HMCN2: variants seen among roughly 807,000 people sequenced by gnomAD.
HMCN2 encodes hemicentin-2.
In HMCN2, 325 loss-of-function variants were observed where a neutral mutation model predicts 377.5. The ratio of observed to expected loss-of-function variants is 0.86; its 90% CI spans 0.79 to 0.94. The LOEUF (loss-of-function observed/expected upper bound fraction) is 0.94, where lower values mean the gene tolerates loss of function less well. Ranked by LOEUF, HMCN2 falls within the 40% of genes least tolerant of loss-of-function variation. HMCN2 has a pLI of 0.00. For missense variants in HMCN2, 4,543 were observed against 4,725.3 expected (o/e 0.96, Z 1.13); for synonymous variants, 2,007 against 2,046.8 (o/e 0.98, Z 0.53).
chr9:130,295,064 C>G (rs1282538875), intron 5 of HMCN2, 38 bp downstream of exon 5: 1 of 408,726 alleles, frequency 2.4e-6, no homozygotes, highest in Non-Finnish European at 5.1e-6. Context: ...TCTTTGGCCC[C>G]AAGACTGAGG....
At position 130,305,852 on chromosome 9, in the gene HMCN2, C is replaced by T. The variant is rs767800830; in HGVS notation, c.1817-277C>T. On this transcript the variant is annotated intron_variant, in intron 11 of 97. Coordinates refer to ENST00000683500, the MANE Select transcript of HMCN2 (RefSeq NM_001291815.2). The stretch of plus-strand genomic sequence containing the variant: ...GACATCTCCCTAAGGCTCCCTAGAG[C>T]GCTCAGCCTGGAGTGGACGTTCTAG... Among the ~76,000 whole-genome samples the T allele has an allele frequency of 4.6e-5, 7 of 152,302 alleles. No homozygotes were observed. In the South Asian group the frequency reaches 6.2e-4, roughly 14 times the overall value.
chr9:130,380,415 G>A (rs1485440506), intron 54 of HMCN2, among the ~76,000 whole-genome samples: 3 of 152,088 alleles, frequency 2.0e-5, no homozygotes, highest in Non-Finnish European at 1.5e-5. Context: ...CAATGGGGCT[G>A]GTTTTGGGGA....
chr9:130,282,509 G>A (rs1051856729), intron 1 of HMCN2, among the ~76,000 whole-genome samples: 14 of 152,316 alleles, frequency 9.2e-5, no homozygotes, highest in African/African-American at 3.4e-4. Flanking sequence ...TCATTACTGT[G>A]TAGTTCAGAG....
chr9:130,317,691 G>C (rs1244876625), intron 15 of HMCN2, among the ~76,000 whole-genome samples: 1 of 148,376 alleles, frequency 6.7e-6, no homozygotes, highest in Non-Finnish European at 1.5e-5. Flanking sequence ...GTAGAGACGG[G>C]GTTTCCCCAT....
At chr9:130,406,251 C>T (rs541676123) in intron 82 of HMCN2, 83 bp downstream of exon 82, 32 of 1,157,588 alleles carry the variant, frequency 2.8e-5, no homozygotes, top group Middle Eastern at 2.3e-4. Flanking sequence ...GAGACCCAAC[C>T]TAGTGGAAAG....
At chr9:130,299,373 A>G in intron 8 of HMCN2, 85 bp downstream of exon 8, 1 of 368,196 alleles carries the variant, frequency 2.7e-6, no homozygotes, top group South Asian at 2.1e-5. Flanking sequence ...ACTGGATTAG[A>G]TTAAATTAGA....
Position 130,428,289 on chromosome 9 carries a change from C to T in HMCN2, c.14066-69C>T. 1.4e-6 allele frequency: 2 copies of T among 1,460,066 alleles called. No homozygotes were observed. The highest frequency in any genetic ancestry group is 1.8e-6 in the Non-Finnish European group (2 of 1,099,876). The allele number at this position is 1,460,066 out of a possible 1,614,324, so 90.4% of individuals were successfully genotyped here. ...ACGAAGCCTCTGTGGATAGGCCGGG[C>T]CAGGGTCAGGTGGCGAGGCACGCCT... is the stretch of plus-strand genomic sequence containing the variant. On this transcript the variant is annotated intron_variant, in intron 92 of 97. Coordinates refer to ENST00000683500, the MANE Select transcript of HMCN2 (RefSeq NM_001291815.2). The surrounding 1 kb of genome is among the most constrained non-coding windows in gnomAD (Gnocchi z 5.0).
In HMCN2 at chr9:130,414,640, C is replaced by T. The variant is rs1244443109; in HGVS notation, c.12961+3988C>T. Among the ~76,000 whole-genome samples the T allele has an allele frequency of 1.4e-5, 2 of 147,812 alleles. No homozygotes were observed. Among genetic ancestry groups the T allele is most frequent in the Non-Finnish European group, 3.0e-5 (2 of 67,318 alleles). On this transcript the variant is annotated intron_variant, in intron 85 of 97. Transcript: ENST00000683500. This position sits in a 1 kb window ranked among gnomAD's most constrained non-coding sequence, Gnocchi z 4.4. ...TTTTTTTTTTTTTTTAAGACAAGGT[C>T]TGACTCTGTTGCCCAGGCTGGAGTG...
intron 4 of HMCN2, among the ~76,000 whole-genome samples, chr9:130,292,486 T>G (rs1835836526): frequency 6.6e-6 from 1 of 152,230 alleles, no homozygotes; most frequent in Non-Finnish European, 1.5e-5. Flanking sequence ...TAATTTGGTT[T>G]CTCTGAAGTA....
chr9:130,366,933 C>CG (rs36016097), intron 43 of HMCN2, among the ~76,000 whole-genome samples: 51,226 of 151,944 alleles, frequency 0.34, 9,615 homozygotes, highest in Non-Finnish European at 0.41. Context: ...AGCTAGGAAG[C>CG]GGGAAAGATG....
At chr9:130,362,226 A>G in intron 39 of HMCN2, 61 bp downstream of exon 39, 12 of 970,630 alleles carry the variant, frequency 1.2e-5, no homozygotes, top group Non-Finnish European at 1.5e-5. Flanking sequence ...TGCTGGGAAC[A>G]GAGGTCAGGC....
chr9:130,431,097 T>C, intron 95 of HMCN2: 1 of 542,912 alleles, frequency 1.8e-6, no homozygotes, highest in Non-Finnish European at 3.3e-6. Flanking sequence ...GCCTCGGCAT[T>C]CCCGCCTGGA....
rs1044290823 is a variant in HMCN2 at position 130,356,142 on chromosome 9, G to T, written c.5310G>T (p.Ser1770=). Residue 1770 remains serine (S), a synonymous_variant, in exon 34 of 98, where the codon TCG becomes TCT. Transcript: ENST00000683500. ...AGCTGGCTGGGGTGCAGGTGGCCTCGCAGGGGACCACACTGCACATTGACC... is the reference window on the plus strand; with the variant it reads ...AGCTGGCTGGGGTGCAGGTGGCCTCTCAGGGGACCACACTGCACATTGACC... ...AEELAGVQVA[S]QGTTLHIDHV... is the part of the protein sequence containing the mutation. 6.0e-5 allele frequency: 78 copies of T among 1,301,634 alleles called. No individual in the cohort carries two copies. The highest frequency in any genetic ancestry group is 6.4e-5 in the Non-Finnish European group (63 of 988,586). The allele number at this position is 1,301,634 out of a possible 1,614,324, so 80.6% of individuals were successfully genotyped here. A position where few individuals can be genotyped will look rare whatever the true frequency, so the allele number is the denominator to read the frequency against.
Position 130,306,943 on chromosome 9 carries a change from C to G in HMCN2, c.2086+5C>G. The G allele has an allele frequency of 2.1e-6, 1 of 465,526 alleles. No individual in the cohort carries two copies. The highest frequency in any genetic ancestry group is 4.5e-6 in the Non-Finnish European group (1 of 223,564). The allele number at this position is 465,526 out of a possible 1,614,324, so 28.8% of individuals were successfully genotyped here. ...CGGTCACCCTCTACTACACAGGTAC[C>G]CAGGCCACAAGCATCACCTTACAGG... is the stretch of plus-strand genomic sequence containing the variant. On this transcript the variant is annotated splice_donor_5th_base_variant and intron_variant, in intron 13 of 97. Coordinates refer to ENST00000683500, the MANE Select transcript of HMCN2 (RefSeq NM_001291815.2).
intron 85 of HMCN2, among the ~76,000 whole-genome samples, chr9:130,417,060 GACC>G (rs977224066): frequency 7.2e-5 from 11 of 151,806 alleles, no homozygotes; most frequent in African/African-American, 2.7e-4. Context: ...TACAGGCACA[GACC>G]ACCACACCTG....
intron 56 of HMCN2, 47 bp downstream of exon 56, chr9:130,382,913 C>A (rs190616254): frequency 1.3e-3 from 1,276 of 961,750 alleles, no homozygotes; most frequent in Admixed American, 2.7e-3. Context: ...CTGCTGAGGC[C>A]CAGCACCACT....
At position 130,362,950 on chromosome 9, in the gene HMCN2, G is replaced by A. The variant is rs571492167; in HGVS notation, c.6192G>A (p.Ala2064=). 35 of 985,960 alleles carry A rather than the reference G, an allele frequency of 3.5e-5. No individual in the cohort carries two copies. In the East Asian group the frequency reaches 2.5e-3, roughly 70 times the overall value. The allele number at this position is 985,960 out of a possible 1,614,324, so 61.1% of individuals were successfully genotyped here. Residue 2064 remains alanine, a synonymous_variant, in exon 40 of 98, where the codon GCG becomes GCA. Transcript: ENST00000683500. ...SGRYSCVAVS[A]VGEDRQDVVL... ...GGTACTCCTGCGTGGCTGTGAGCGC[G>A]GTGGGCGAGGACCGCCAGGATGTTG... is the stretch of plus-strand genomic sequence containing the variant.
intron 15 of HMCN2, among the ~76,000 whole-genome samples, chr9:130,317,320 G>A (rs1379904932): frequency 6.6e-6 from 1 of 152,106 alleles, no homozygotes; most frequent in Non-Finnish European, 1.5e-5. Context: ...ATTGAGCCAT[G>A]AGTGAAATTA....
chr9:130,398,839 G>A (rs1842734672), intron 75 of HMCN2, 132 bp downstream of exon 75: 2 of 778,570 alleles, frequency 2.6e-6, no homozygotes, highest in African/African-American at 1.8e-5. Flanking sequence ...CAGAACTTGT[G>A]TCTCAACTTT....
Sources: gnomAD v4.1 joint callset for allele counts (sites outside exome capture counted in the v4.1 genomes callset) on GRCh38, gnomAD v4.1.1 for gene constraint, Gnocchi (gnomAD v3.1) non-coding constraint, MANE v1.5 for transcripts, NCBI Gene and HGNC (gene_info 2026-07-23, HGNC 2026-07-21) for gene names.